Variants in CTNNA3 observed in about 807,000 individuals in gnomAD.
CTNNA3 encodes catenin alpha 3.
CTNNA3 carries 76 observed loss-of-function variants against 95.7 expected under a neutral mutation model. The ratio of observed to expected loss-of-function variants is 0.79; its 90% CI spans 0.66 to 0.96. The LOEUF (loss-of-function observed/expected upper bound fraction) is 0.96, where lower values mean the gene tolerates loss of function less well. Ranked by LOEUF, CTNNA3 falls within the 40% of genes least tolerant of loss-of-function variation. The probability of loss-of-function intolerance (pLI) is 0.00; values close to 1 mark genes in which losing one functional copy is unlikely to be tolerated. For missense variants in CTNNA3, 1,191 were observed against 1,089.8 expected (o/e 1.09, Z -1.31); for synonymous variants, 431 against 374.4 (o/e 1.15, Z -1.74).
chr10:67,189,869 C>G (rs898181884), intron 6 of CTNNA3, among the ~76,000 whole-genome samples: 6 of 151,956 alleles, frequency 3.9e-5, no homozygotes, highest in Non-Finnish European at 2.9e-5. Context: ...AAATCTGACA[C>G]TATGACGGAA....
chr10:66,699,251 A>G (rs1012983340), intron 9 of CTNNA3, among the ~76,000 whole-genome samples: 1 of 152,156 alleles, frequency 6.6e-6, no homozygotes. Flanking sequence ...GGATTGTTGG[A>G]TCATATGGTA....
intron 7 of CTNNA3, among the ~76,000 whole-genome samples, chr10:67,053,989 C>T (rs953386743): frequency 3.3e-5 from 5 of 152,064 alleles, no homozygotes; most frequent in Admixed American, 1.3e-4. Flanking sequence ...AAAGTAACTC[C>T]CTCCCCTACA....
At chr10:67,559,243 T>G (rs1007205879) in intron 3 of CTNNA3, among the ~76,000 whole-genome samples, 1 of 152,122 alleles carries the variant, frequency 6.6e-6, no homozygotes, top group African/African-American at 2.4e-5. Flanking sequence ...CAACCCCCAG[T>G]AGGGGCAGAC....
chr10:65,954,719 G>A (rs1307797985), intron 17 of CTNNA3, among the ~76,000 whole-genome samples: 2 of 152,132 alleles, frequency 1.3e-5, no homozygotes, highest in Non-Finnish European at 2.9e-5. Context: ...GTATTTCTGA[G>A]GGCTCTGTTC....
chr10:66,215,675 A>G (rs559481195), intron 13 of CTNNA3, among the ~76,000 whole-genome samples: 5 of 152,190 alleles, frequency 3.3e-5, no homozygotes, highest in Non-Finnish European at 7.3e-5. Context: ...AGAAAACTAT[A>G]AGGTTTAAGA....
intron 5 of CTNNA3, among the ~76,000 whole-genome samples, chr10:67,286,015 C>T (rs796381847): frequency 6.6e-6 from 1 of 152,090 alleles, no homozygotes; most frequent in South Asian, 2.1e-4. Flanking sequence ...CTGCTTTGGG[C>T]TCTAGGCATT....
intron 7 of CTNNA3, among the ~76,000 whole-genome samples, chr10:66,835,691 A>G (rs1842863106): frequency 6.6e-6 from 1 of 152,188 alleles, no homozygotes; most frequent in Non-Finnish European, 1.5e-5. Context: ...AATAAGTACA[A>G]TGGGACAGGT....
chr10:66,410,321 A>T (rs1484736455), intron 11 of CTNNA3, among the ~76,000 whole-genome samples: 7 of 152,202 alleles, frequency 4.6e-5, no homozygotes, highest in Non-Finnish European at 1.0e-4. Flanking sequence ...CTTCAGATAG[A>T]AACACTCACT....
At chr10:67,564,677 G>GTGTGTATATA (rs1488656262) in intron 3 of CTNNA3, among the ~76,000 whole-genome samples, 58 of 61,294 alleles carry the variant, frequency 9.5e-4, no homozygotes, top group African/African-American at 3.3e-3. Flanking sequence ...GTGTGTGTGT[G>GTGTGTATATA]TATATATATA....
intron 6 of CTNNA3, among the ~76,000 whole-genome samples, chr10:67,199,200 G>A (rs552647152): frequency 4.1e-4 from 63 of 152,288 alleles, no homozygotes; most frequent in African/African-American, 1.3e-3. Context: ...CATTCACACT[G>A]CAAGTAATAA....
intron 7 of CTNNA3, among the ~76,000 whole-genome samples, chr10:66,915,898 G>GCCA (rs1846469147): frequency 6.6e-6 from 1 of 151,868 alleles, no homozygotes; most frequent in Admixed American, 6.6e-5. Context: ...ACAGGCGCCT[G>GCCA]CCACCACGCC....
intron 5 of CTNNA3, among the ~76,000 whole-genome samples, chr10:67,398,327 G>A (rs77545270): frequency 0.011 from 1,679 of 152,328 alleles, 39 homozygotes; most frequent in African/African-American, 0.037. Flanking sequence ...GGAACTTTAA[G>A]GTTTAATGAC....
At chr10:67,721,370 T>TC (rs1244749306) in intron 1 of CTNNA3, among the ~76,000 whole-genome samples, 9 of 152,148 alleles carry the variant, frequency 5.9e-5, no homozygotes, top group African/African-American at 2.2e-4. Context: ...CATTTTTTTT[T>TC]CTTTAATCTT....
At chr10:66,311,570 A>G (rs1482803889) in intron 12 of CTNNA3, among the ~76,000 whole-genome samples, 4 of 152,226 alleles carry the variant, frequency 2.6e-5, no homozygotes, top group African/African-American at 4.8e-5. Context: ...CACTTAGTAC[A>G]GTGACAGGGC....
chr10:66,667,147 T>G (rs1846481979), intron 9 of CTNNA3, among the ~76,000 whole-genome samples: 1 of 152,016 alleles, frequency 6.6e-6, no homozygotes, highest in African/African-American at 2.4e-5. Context: ...GTTTCCAGTG[T>G]GTTTGGTTGG....
At chr10:66,709,919 A>G (rs1464798095) in intron 9 of CTNNA3, among the ~76,000 whole-genome samples, 4 of 152,184 alleles carry the variant, frequency 2.6e-5, no homozygotes, top group Admixed American at 6.6e-5. Context: ...CAATTATGAT[A>G]TTTGAAATGC....
chr10:66,899,161 C>T (rs932879852), intron 7 of CTNNA3, among the ~76,000 whole-genome samples: 14 of 152,092 alleles, frequency 9.2e-5, no homozygotes, highest in Middle Eastern at 3.2e-3. Context: ...TATGAGTTAT[C>T]GCCACACACC....
chr10:66,420,686 C>A (rs1038226740), intron 11 of CTNNA3, among the ~76,000 whole-genome samples: 2 of 151,984 alleles, frequency 1.3e-5, no homozygotes, highest in Non-Finnish European at 2.9e-5. Context: ...GTAGTACCAG[C>A]TACTTGGGAG....
chr10:66,379,391 T>C lies in CTNNA3; in HGVS notation c.1532-39A>G, dbSNP rs532775825. 3.6e-5 allele frequency: 54 copies of C among 1,514,608 alleles called. No homozygotes were observed. In the South Asian group the frequency reaches 5.7e-4, roughly 16 times the overall value. 93.8% of individuals were successfully genotyped at this position (1,514,608 alleles called of 1,614,324 possible). Reference sequence around the variant, plus strand: ...AATCAAATTAGTTTTTGCGTGTGTCTGTGTTTAAAATCATACAAATCTAGC... The same window carrying C: ...AATCAAATTAGTTTTTGCGTGTGTCCGTGTTTAAAATCATACAAATCTAGC... On this transcript the variant is annotated intron_variant, in intron 11 of 17. Transcript: ENST00000433211.
Sources: allele counts gnomAD v4.1 joint callset (sites outside exome capture counted in the v4.1 genomes callset), GRCh38; gene constraint gnomAD v4.1.1; transcripts MANE v1.5; gene names NCBI Gene and HGNC (gene_info 2026-07-23, HGNC 2026-07-21).